TRPM1: variants seen among roughly 807,000 people sequenced by gnomAD.
The protein encoded by TRPM1 is TRPM1-203 APA Isoform, Intron 10.
In TRPM1, 113 loss-of-function variants were observed where a neutral mutation model predicts 149.4. That is an observed-to-expected ratio of 0.76 (90% CI 0.65 to 0.88). The LOEUF (loss-of-function observed/expected upper bound fraction) is 0.88. Ranked by LOEUF, TRPM1 falls within the 40% of genes least tolerant of loss-of-function variation. The pLI is 0.00. For missense variants in TRPM1, 1,976 were observed against 2,038.7 expected (o/e 0.97, Z 0.59); for synonymous variants, 741 against 759.5 (o/e 0.98, Z 0.40).
chr15:31,108,789 C>T (rs1283959727), intron 1 of TRPM1, among the ~76,000 whole-genome samples: 2 of 152,322 alleles, frequency 1.3e-5, no homozygotes, highest in East Asian at 1.9e-4. Flanking sequence ...CCACCGTGCC[C>T]AGCCTTTTTT....
At chr15:31,128,242 A>G (rs2035975645) in intron 1 of TRPM1, among the ~76,000 whole-genome samples, 1 of 152,162 alleles carries the variant, frequency 6.6e-6, no homozygotes, top group South Asian at 2.1e-4. Context: ...AATCACTATC[A>G]ATCAATGTTC....
At chr15:31,110,056 A>C (rs1019863039) in intron 1 of TRPM1, among the ~76,000 whole-genome samples, 3 of 152,224 alleles carry the variant, frequency 2.0e-5, no homozygotes, top group African/African-American at 7.2e-5. Flanking sequence ...TATTGGTTCA[A>C]AAAATTATAT....
chr15:31,025,609 C>T (rs528337892), intron 27 of TRPM1, among the ~76,000 whole-genome samples: 2 of 152,200 alleles, frequency 1.3e-5, no homozygotes, highest in Non-Finnish European at 2.9e-5. Flanking sequence ...TAGCGGATCC[C>T]ACCCTCATGG....
intron 22 of TRPM1, among the ~76,000 whole-genome samples, chr15:31,032,006 GTTTTTTT>G (rs57762904): frequency 8.1e-6 from 1 of 122,760 alleles, no homozygotes; most frequent in Non-Finnish European, 1.7e-5. Context: ...ATCAGGCGGG[GTTTTTTT>G]TTTTTTTTTT....
intron 1 of TRPM1, among the ~76,000 whole-genome samples, chr15:31,143,602 G>A (rs2036186191): frequency 6.6e-6 from 1 of 152,012 alleles, no homozygotes; most frequent in Admixed American, 6.6e-5. Context: ...TAGTAGAGAT[G>A]GGGTTTCACC....
intron 1 of TRPM1, among the ~76,000 whole-genome samples, chr15:31,131,907 A>G (rs1368256435): frequency 6.6e-6 from 1 of 150,600 alleles, no homozygotes; most frequent in Non-Finnish European, 1.5e-5. Flanking sequence ...TACTAAAATG[A>G]CAGCTTGGTT....
At chr15:31,028,054 T>G (rs2032869718) in intron 25 of TRPM1, among the ~76,000 whole-genome samples, 1 of 152,224 alleles carries the variant, frequency 6.6e-6, no homozygotes, top group Non-Finnish European at 1.5e-5. Context: ...CAGGAGACTT[T>G]CATCTAAGAA....
intron 11 of TRPM1, among the ~76,000 whole-genome samples, chr15:31,058,919 T>C (rs1327628827): frequency 1.3e-5 from 2 of 151,956 alleles, no homozygotes; most frequent in African/African-American, 4.8e-5. Context: ...CTGTGTCCAC[T>C]AAAAATGCAA....
chr15:31,159,142 C>T (rs1459305219), intron 1 of TRPM1, among the ~76,000 whole-genome samples: 1 of 151,968 alleles, frequency 6.6e-6, no homozygotes, highest in Admixed American at 6.6e-5. Flanking sequence ...AGTGTGAGGT[C>T]CTGTAGGAAT....
At chr15:31,100,167 C>T (rs1397263241) in intron 1 of TRPM1, among the ~76,000 whole-genome samples, 1 of 151,808 alleles carries the variant, frequency 6.6e-6, no homozygotes, top group Non-Finnish European at 1.5e-5. Context: ...GCAACCTCCA[C>T]CTCCTGGGTT....
At position 31,063,201 on chromosome 15, in the gene TRPM1, A is replaced by T. The variant is rs756431972; in HGVS notation, c.882T>A (p.Pro294=). Residue 294 remains proline (P), a synonymous_variant, in exon 8 of 28, where the codon CCT becomes CCA. Transcript: ENST00000256552. ...SIVLEYLQEE[P]PIPVVICDGS... ...CATCACAAATCACCACAGGGATGGG[A>T]GGCTCTTCTTGCAGGTATTCCAAGA... is the stretch of plus-strand genomic sequence containing the variant. The T allele has an allele frequency of 1.2e-6, 2 of 1,614,162 alleles. No individual in the cohort carries two copies. The highest frequency in any genetic ancestry group is 2.2e-5 in the South Asian group (2 of 91,086).
At chr15:31,007,823 C>T (rs1229923003) in intron 27 of TRPM1, among the ~76,000 whole-genome samples, 1 of 152,146 alleles carries the variant, frequency 6.6e-6, no homozygotes, top group Admixed American at 6.5e-5. Context: ...TATGGTATAT[C>T]CTCCCATTTA....
intron 11 of TRPM1, 54 bp downstream of exon 11, chr15:31,060,490 G>A (rs1235535578): frequency 1.7e-5 from 24 of 1,438,250 alleles, no homozygotes; most frequent in Non-Finnish European, 9.8e-6. Flanking sequence ...ATACTAATAG[G>A]TCACTTGTAC....
chr15:31,089,500 T>C (rs1006513412), intron 1 of TRPM1, among the ~76,000 whole-genome samples: 1 of 152,182 alleles, frequency 6.6e-6, no homozygotes, highest in Non-Finnish European at 1.5e-5. Flanking sequence ...TGGAGAACAC[T>C]GGGGAGGCCT....
At chr15:31,144,302 T>C (rs577743182) in intron 1 of TRPM1, among the ~76,000 whole-genome samples, 3 of 152,220 alleles carry the variant, frequency 2.0e-5, no homozygotes, top group African/African-American at 7.2e-5. Context: ...GCCAGTGTGG[T>C]GGCACATGCC....
chr15:31,085,577 T>A (rs2034978013), intron 1 of TRPM1, among the ~76,000 whole-genome samples: 1 of 152,172 alleles, frequency 6.6e-6, no homozygotes, highest in African/African-American at 2.4e-5. Flanking sequence ...TATAGTCCAA[T>A]CGCATGTGTT....
At chr15:31,121,984 A>C (rs147155999) in intron 1 of TRPM1, among the ~76,000 whole-genome samples, 114 of 152,338 alleles carry the variant, frequency 7.5e-4, no homozygotes, top group African/African-American at 2.6e-3. Context: ...ATAGTTATAC[A>C]CCATGACCAA....
intron 1 of TRPM1, among the ~76,000 whole-genome samples, chr15:31,121,195 G>A: frequency 8.3e-6 from 1 of 120,756 alleles, no homozygotes; most frequent in African/African-American, 3.3e-5. Flanking sequence ...ACTACACTCT[G>A]ACCTGGGCGC....
At chr15:31,160,525 G>C (rs1417819606) in intron 1 of TRPM1, among the ~76,000 whole-genome samples, 2 of 152,204 alleles carry the variant, frequency 1.3e-5, no homozygotes, top group Non-Finnish European at 2.9e-5. Context: ...GCAGAACAGA[G>C]GGTGAGCTTG....
Sources: allele counts gnomAD v4.1 joint callset (sites outside exome capture counted in the v4.1 genomes callset), GRCh38; gene constraint gnomAD v4.1.1; transcripts MANE v1.5; gene names NCBI Gene and HGNC (gene_info 2026-07-23, HGNC 2026-07-21).